DISP1: variants seen among roughly 807,000 people sequenced by gnomAD.
DISP1 encodes the protein protein dispatched homolog 1.
DISP1 carries 30 observed loss-of-function variants against 37.3 expected under a neutral mutation model. The ratio of observed to expected loss-of-function variants is 0.80; its 90% CI spans 0.60 to 1.09. DISP1 has a LOEUF of 1.09. Ranked by LOEUF, DISP1 falls within the 50% of genes least tolerant of loss-of-function variation. The probability of loss-of-function intolerance (pLI) is 0.00; values close to 1 mark genes in which losing one functional copy is unlikely to be tolerated. For missense variants in DISP1, 1,598 were observed against 1,879.5 expected, an observed-to-expected ratio of 0.85 and a Z score of 2.77; for synonymous variants, 634 against 690.2, an observed-to-expected ratio of 0.92 and a Z score of 1.28.
intron 3 of DISP1, among the ~76,000 whole-genome samples, chr1:222,961,598 G>A (rs1018230732): frequency 6.6e-6 from 1 of 152,198 alleles, no homozygotes; most frequent in African/African-American, 2.4e-5. Flanking sequence ...ATTCAATATA[G>A]TATTGGAAGT....
At position 222,998,139 on chromosome 1, in the gene DISP1, C is replaced by T. The variant is rs111309711; in HGVS notation, c.987+3157C>T. Among the ~76,000 whole-genome samples, 310 of 151,532 alleles carry T rather than the reference C, an allele frequency of 2.0e-3. 1 individual carries two copies. Among genetic ancestry groups the T allele is most frequent in the African/African-American group, 6.8e-3 (281 of 41,310 alleles). ...TTCGACTTTCAGAATATTACTGTAC[C>T]TTTTTTTAGTCTCCCAGTTGAAGAC... On this transcript the variant is annotated intron_variant, in intron 8 of 8. Coordinates refer to ENST00000675850, the MANE Select transcript of DISP1 (RefSeq NM_001377229.1).
At chr1:222,939,845 G>T (rs1052671387) in intron 2 of DISP1, among the ~76,000 whole-genome samples, 1 of 151,350 alleles carries the variant, frequency 6.6e-6, no homozygotes, top group Non-Finnish European at 1.5e-5. Flanking sequence ...AAAAAAAAAG[G>T]CCGGGCGCAG....
At chr1:222,836,914 C>T (rs941670181) in intron 1 of DISP1, 24 of 394,666 alleles carry the variant, frequency 6.1e-5, no homozygotes, top group African/African-American at 1.4e-4. Context: ...ATTTTCTTAT[C>T]TTTAATAGGG....
intron 1 of DISP1, among the ~76,000 whole-genome samples, chr1:222,842,130 T>C (rs1667644143): frequency 6.6e-6 from 1 of 152,106 alleles, no homozygotes; most frequent in Non-Finnish European, 1.5e-5. Context: ...TTTAAGTTTG[T>C]GTTTGATAGT....
chr1:222,821,256 G>A (rs139102109), intron 1 of DISP1, among the ~76,000 whole-genome samples: 7 of 152,206 alleles, frequency 4.6e-5, no homozygotes, highest in African/African-American at 7.2e-5. Context: ...GCACAAGCAT[G>A]TGAAGTAACT....
intron 3 of DISP1, among the ~76,000 whole-genome samples, chr1:222,972,221 CAT>C (rs1488682182): frequency 2.6e-5 from 4 of 151,964 alleles, no homozygotes; most frequent in African/African-American, 9.7e-5. Flanking sequence ...CTTATAATGT[CAT>C]ATATATTTAT....
chr1:222,928,641 T>C (rs936377100), intron 2 of DISP1, 71 bp downstream of exon 2: 2 of 152,240 alleles, frequency 1.3e-5, no homozygotes, highest in African/African-American at 4.8e-5. Flanking sequence ...TTTAGGAGAA[T>C]GTATTTAAAA....
intron 1 of DISP1, among the ~76,000 whole-genome samples, chr1:222,819,239 C>T (rs1234835008): frequency 6.6e-6 from 1 of 152,152 alleles, no homozygotes; most frequent in East Asian, 1.9e-4. Context: ...CTGAGGCTTC[C>T]CCAGCTATGC....
intron 2 of DISP1, among the ~76,000 whole-genome samples, chr1:222,932,291 C>T (rs974131000): frequency 2.6e-5 from 4 of 151,928 alleles, no homozygotes; most frequent in African/African-American, 4.8e-5. Flanking sequence ...AAATCAGAAC[C>T]TCAACCTCTG....
In DISP1 at chr1:223,003,938, C is replaced by T. The variant is rs1340403829; in HGVS notation, c.2541C>T (p.Asp847=). 1 of 1,614,080 alleles carries T rather than the reference C, an allele frequency of 6.2e-7. No homozygotes were observed. Among genetic ancestry groups the T allele is most frequent in the Non-Finnish European group, 8.5e-7 (1 of 1,180,052 alleles). ...QTFFYQTDEQ[D]FTSCFIETFK... ...TCTTTTACCAGACTGATGAACAGGACTTCACCAGCTGCTTCATTGAGACAT... is the reference window on the plus strand; with the variant it reads ...TCTTTTACCAGACTGATGAACAGGATTTCACCAGCTGCTTCATTGAGACAT... Residue 847 remains aspartate, a synonymous_variant, in exon 9 of 9, where the codon GAC becomes GAT. Coordinates refer to ENST00000675850, the MANE Select transcript of DISP1 (RefSeq NM_001377229.1). This position sits in a 1 kb window ranked among gnomAD's most constrained non-coding sequence, Gnocchi z 4.3.
intron 1 of DISP1, among the ~76,000 whole-genome samples, chr1:222,859,109 A>T (rs891316312): frequency 7.2e-5 from 11 of 152,240 alleles, no homozygotes; most frequent in African/African-American, 2.7e-4. Context: ...AGACTGGATA[A>T]AGAAAATGTG....
intron 2 of DISP1, among the ~76,000 whole-genome samples, chr1:222,933,748 T>C (rs1248408619): frequency 6.6e-6 from 1 of 151,964 alleles, no homozygotes; most frequent in African/African-American, 2.4e-5. Flanking sequence ...GAGAGTTTAA[T>C]AGTAGAAAGT....
rs577564196 is a variant in DISP1 at position 222,891,486 on chromosome 1, C to T, written c.-158-36944C>T. ...AGGTCAAAAGTAGGCTAAAATTACT[C>T]AGGAAGAATGCTTTTAGATGAGAGG... On this transcript the variant is annotated intron_variant, in intron 1 of 8. Transcript: ENST00000675850. Among the ~76,000 whole-genome samples the T allele has an allele frequency of 2.6e-5, 4 of 152,082 alleles. No individual in the cohort carries two copies. In the South Asian group the frequency reaches 8.3e-4, roughly 32 times the overall value.
chr1:222,853,187 A>G (rs1342889362), intron 1 of DISP1, among the ~76,000 whole-genome samples: 1 of 152,224 alleles, frequency 6.6e-6, no homozygotes, highest in East Asian at 1.9e-4. Context: ...GAAAAGAACT[A>G]CCAGGCTCAC....
At chr1:222,880,295 G>A (rs1488502371) in intron 1 of DISP1, among the ~76,000 whole-genome samples, 1 of 152,158 alleles carries the variant, frequency 6.6e-6, no homozygotes, top group Non-Finnish European at 1.5e-5. Flanking sequence ...ACATCAAGAT[G>A]TTAAGAGGGT....
intron 1 of DISP1, among the ~76,000 whole-genome samples, chr1:222,908,240 A>G (rs1053102734): frequency 2.0e-5 from 3 of 152,320 alleles, no homozygotes; most frequent in East Asian, 1.9e-4. Context: ...AAAGTTATCA[A>G]TCAAAGAGGT....
intron 1 of DISP1, among the ~76,000 whole-genome samples, chr1:222,832,759 G>A (rs1666060144): frequency 6.6e-6 from 1 of 151,952 alleles, no homozygotes; most frequent in Non-Finnish European, 1.5e-5. Context: ...AGCCAGGCGT[G>A]GTGGCTCATG....
At chr1:222,853,471 G>A (rs182619017) in intron 1 of DISP1, among the ~76,000 whole-genome samples, 271 of 152,178 alleles carry the variant, frequency 1.8e-3, no homozygotes, top group Admixed American at 2.7e-3. Flanking sequence ...ATTCACAATA[G>A]CCAAAATATG....
At chr1:222,860,481 AC>A (rs968166664) in intron 1 of DISP1, among the ~76,000 whole-genome samples, 9 of 152,238 alleles carry the variant, frequency 5.9e-5, no homozygotes, top group African/African-American at 2.2e-4. Flanking sequence ...GAAGAATGCT[AC>A]AGAAGAATGA....
Sources: gnomAD v4.1 joint callset for allele counts (sites outside exome capture counted in the v4.1 genomes callset) on GRCh38, gnomAD v4.1.1 for gene constraint, Gnocchi (gnomAD v3.1) non-coding constraint, MANE v1.5 for transcripts, NCBI Gene and HGNC (gene_info 2026-07-23, HGNC 2026-07-21) for gene names.